The following CHN1 variants were observed in gnomAD, a reference collection of about 807,000 sequenced individuals.
The protein encoded by CHN1 is N-chimaerin.
Under a neutral mutation model 59.5 loss-of-function variants are expected in CHN1, and 37 were observed. The ratio of observed to expected loss-of-function variants is 0.62; its 90% CI spans 0.48 to 0.82. CHN1 has a LOEUF of 0.82. Ranked by LOEUF, CHN1 falls within the 40% of genes least tolerant of loss-of-function variation. The probability of loss-of-function intolerance (pLI) is 0.00; values close to 1 mark genes in which losing one functional copy is unlikely to be tolerated. For missense variants in CHN1, 469 were observed against 571.0 expected, an observed-to-expected ratio of 0.82 and a Z score of 1.82; for synonymous variants, 206 against 200.4, an observed-to-expected ratio of 1.03 and a Z score of -0.24.
intron 1 of CHN1, among the ~76,000 whole-genome samples, chr2:174,974,051 T>C (rs1690843012): frequency 6.6e-6 from 1 of 152,200 alleles, no homozygotes; most frequent in Non-Finnish European, 1.5e-5. Flanking sequence ...TTAGAAAATA[T>C]TACTTCTTTT....
intron 7 of CHN1, among the ~76,000 whole-genome samples, chr2:174,839,316 T>C (rs1442972302): frequency 5.3e-5 from 8 of 152,280 alleles, no homozygotes; most frequent in African/African-American, 1.9e-4. Flanking sequence ...GTATGGTATA[T>C]ATATACAATA....
intron 7 of CHN1, among the ~76,000 whole-genome samples, chr2:174,839,800 T>C (rs1157277600): frequency 6.6e-6 from 1 of 152,078 alleles, no homozygotes; most frequent in East Asian, 1.9e-4. Context: ...AACAGAGTTT[T>C]GCCATGTTGC....
chr2:174,964,071 A>T (rs1427689148), intron 1 of CHN1, among the ~76,000 whole-genome samples: 2 of 152,234 alleles, frequency 1.3e-5, no homozygotes, highest in Non-Finnish European at 2.9e-5. Flanking sequence ...GAAAGAAAAG[A>T]TATTCCTGTG....
chr2:174,961,538 G>C (rs1928489), intron 1 of CHN1, among the ~76,000 whole-genome samples: 72,289 of 151,448 alleles, frequency 0.48, 18,015 homozygotes, highest in African/African-American at 0.61. Flanking sequence ...TTGCAGTGAG[G>C]TGAGATTGCG....
At chr2:174,974,215 C>A (rs1006318610) in intron 1 of CHN1, among the ~76,000 whole-genome samples, 1 of 152,156 alleles carries the variant, frequency 6.6e-6, no homozygotes, top group Non-Finnish European at 1.5e-5. Flanking sequence ...TAACTCCAGA[C>A]TTGATGTGGA....
intron 3 of CHN1, among the ~76,000 whole-genome samples, chr2:174,935,052 A>G (rs1006814897): frequency 1.3e-5 from 2 of 152,194 alleles, no homozygotes; most frequent in African/African-American, 2.4e-5. Flanking sequence ...TTTCACTTCT[A>G]TAGTCTAAAC....
intron 2 of CHN1, among the ~76,000 whole-genome samples, chr2:174,950,923 G>T (rs1471812487): frequency 6.6e-6 from 1 of 152,028 alleles, no homozygotes. Context: ...GGGACTACAG[G>T]TGTGTGCCAT....
intron 5 of CHN1, among the ~76,000 whole-genome samples, chr2:174,901,169 G>C (rs981874552): frequency 6.6e-6 from 1 of 152,166 alleles, no homozygotes; most frequent in Non-Finnish European, 1.5e-5. Flanking sequence ...CCAGCTCTTA[G>C]AATAAAGAGC....
intron 12 of CHN1, 124 bp from the exon 13 acceptor site, chr2:174,800,411 G>T: frequency 3.2e-6 from 2 of 619,712 alleles, no homozygotes; most frequent in African/African-American, 1.9e-5. Context: ...TCTTCCACTA[G>T]GTTATTTCTC....
intron 6 of CHN1, chr2:174,847,220 G>C: frequency 3.4e-6 from 5 of 1,453,648 alleles, no homozygotes; most frequent in Non-Finnish European, 4.5e-6. Flanking sequence ...CTGCCAGGCA[G>C]CACAGAACCC....
intron 11 of CHN1, among the ~76,000 whole-genome samples, chr2:174,802,523 T>A (rs1684759175): frequency 6.6e-6 from 1 of 152,256 alleles, no homozygotes; most frequent in Non-Finnish European, 1.5e-5. Context: ...TAAATGTGAC[T>A]CTTCCAAGGG....
chr2:174,930,407 T>A (rs1408370333), intron 3 of CHN1, among the ~76,000 whole-genome samples: 3 of 151,988 alleles, frequency 2.0e-5, no homozygotes, highest in Non-Finnish European at 4.4e-5. Flanking sequence ...AAGGAAGAGA[T>A]CAAAGCACTT....
intron 3 of CHN1, among the ~76,000 whole-genome samples, chr2:174,935,045 C>T (rs771860623): frequency 2.0e-5 from 3 of 152,212 alleles, no homozygotes; most frequent in Admixed American, 6.5e-5. Context: ...AAAATACTTT[C>T]ACTTCTATAG....
intron 3 of CHN1, among the ~76,000 whole-genome samples, chr2:174,933,715 G>A (rs1048800112): frequency 1.3e-5 from 2 of 152,214 alleles, no homozygotes; most frequent in African/African-American, 4.8e-5. Flanking sequence ...TTTGTGGGCT[G>A]ACGAAAATGA....
rs766218478 is a variant in CHN1, at chr2:174,812,396, T to A, written c.799A>T (p.Ser267Cys). ...TTCACGAGCGTCGTAAGGTCACAGCTGTACACCTTTTTGACATGCTTCAAG... is the reference window on the plus strand; with the variant it reads ...TTCACGAGCGTCGTAAGGTCACAGCAGTACACCTTTTTGACATGCTTCAAG... The part of the protein sequence containing the change: ...PDLKHVKKVY[S>C]CDLTTLVKAH... The change falls in exon 9 of 13, where the codon AGC (serine) becomes TGC (cysteine). Residue 267 changes from serine to cysteine, a missense_variant. This residue lies in a region of CHN1 where 225 missense variants were observed against 289.9 expected (regional missense o/e 0.78). Coordinates refer to ENST00000409900, the MANE Select transcript of CHN1 (RefSeq NM_001822.7). 2 of 1,614,048 alleles carry A rather than the reference T, an allele frequency of 1.2e-6. No homozygotes were observed. Among genetic ancestry groups the A allele is most frequent in the South Asian group, 2.2e-5 (2 of 91,078 alleles).
intron 8 of CHN1, among the ~76,000 whole-genome samples, chr2:174,817,129 T>C (rs945958848): frequency 2.0e-5 from 3 of 152,220 alleles, no homozygotes; most frequent in Admixed American, 6.5e-5. Context: ...GTACTCAAAG[T>C]TATATTTTCC....
rs1689542391 is a variant in CHN1 at position 174,937,839 on chromosome 2, GCC to G, written c.114+7047_114+7048del. 2.0e-5 allele frequency among the ~76,000 whole-genome samples: 3 copies of G among 152,108 alleles called. No homozygotes were observed. The South Asian group carries it at 6.3e-4, about 32-fold the overall frequency. ...CATGTGATATGCCAGCTCCCCCTCT[GCC>G]TTCCACCATGACTGTGAGCTTCGTG... On this transcript the variant is annotated intron_variant, in intron 3 of 12. Transcript: ENST00000409900.
intron 11 of CHN1, 48 bp downstream of exon 11, chr2:174,808,857 C>T: frequency 3.1e-6 from 5 of 1,600,410 alleles, no homozygotes; most frequent in Non-Finnish European, 4.3e-6. Context: ...AAGGTGATTA[C>T]CAAGAGGACG....
intron 3 of CHN1, among the ~76,000 whole-genome samples, chr2:174,926,598 C>T (rs1376624866): frequency 6.6e-6 from 1 of 152,130 alleles, no homozygotes; most frequent in East Asian, 1.9e-4. Context: ...GAGACAAATG[C>T]ATATCTGACT....
Sources: allele counts gnomAD v4.1 joint callset (sites outside exome capture counted in the v4.1 genomes callset), GRCh38; gene constraint gnomAD v4.1.1; regional missense constraint gnomAD v4.1.1; transcripts MANE v1.5; gene names NCBI Gene and HGNC (gene_info 2026-07-23, HGNC 2026-07-21).